METTL15: variants seen among roughly 807,000 people sequenced by gnomAD.
METTL15 encodes the protein methyltransferase 15, mitochondrial 12S rRNA N4-cytidine.
METTL15 carries 34 observed loss-of-function variants against 38.3 expected under a neutral mutation model. That is an observed-to-expected ratio of 0.89 (90% confidence interval 0.68 to 1.18). The LOEUF is 1.18. METTL15 is among the 50% of genes most tolerant of loss of function. The pLI, the probability that METTL15 is intolerant of heterozygous loss-of-function variation, is 0.00. For synonymous variants in METTL15, 162 were observed against 170.9 expected (o/e 0.95, Z 0.41); for missense variants, 438 against 498.4 (o/e 0.88, Z 1.15).
At chr11:28,274,307 C>G (rs1310553539) in intron 4 of METTL15, among the ~76,000 whole-genome samples, 1 of 152,010 alleles carries the variant, frequency 6.6e-6, no homozygotes, top group African/African-American at 2.4e-5. Flanking sequence ...TTTCCTTAGA[C>G]TAAAACCATT....
intron 5 of METTL15, among the ~76,000 whole-genome samples, chr11:28,402,955 ATTTC>A (rs1850642485): frequency 6.6e-6 from 1 of 151,896 alleles, no homozygotes; most frequent in African/African-American, 2.4e-5. Flanking sequence ...TTTCTGAGTT[ATTTC>A]ACTCAGAAAC....
chr11:28,231,300 A>C (rs1261791633), intron 4 of METTL15, among the ~76,000 whole-genome samples: 1 of 151,912 alleles, frequency 6.6e-6, no homozygotes, highest in Admixed American at 6.6e-5. Context: ...ATGTTATTTA[A>C]ATAAAATACC....
chr11:28,277,712 C>A (rs867024795), intron 4 of METTL15, among the ~76,000 whole-genome samples: 16 of 151,860 alleles, frequency 1.1e-4, no homozygotes, highest in Middle Eastern at 6.8e-3. Context: ...GCAAAAAAAA[C>A]AGCAACAAAA....
At chr11:28,463,400 C>T (rs901355916) in intron 6 of METTL15, among the ~76,000 whole-genome samples, 21 of 152,006 alleles carry the variant, frequency 1.4e-4, no homozygotes, top group African/African-American at 4.8e-4. Flanking sequence ...CTCTCAGGGA[C>T]AAATTTTACT....
At chr11:28,138,725 AG>A (rs1407075137) in intron 3 of METTL15, among the ~76,000 whole-genome samples, 1 of 152,214 alleles carries the variant, frequency 6.6e-6, no homozygotes, top group Non-Finnish European at 1.5e-5. Flanking sequence ...AAAATGGCAG[AG>A]GCCAAAAGAA....
intron 2 of METTL15, among the ~76,000 whole-genome samples, chr11:28,112,884 AC>A (rs1851775617): frequency 6.6e-6 from 1 of 152,150 alleles, no homozygotes; most frequent in Non-Finnish European, 1.5e-5. Flanking sequence ...GAAATAGAAG[AC>A]CATCTGAATC....
chr11:28,428,878 C>A (rs1422042967), intron 6 of METTL15, among the ~76,000 whole-genome samples: 1 of 152,204 alleles, frequency 6.6e-6, no homozygotes, highest in African/African-American at 2.4e-5. Flanking sequence ...CTTCCTATAA[C>A]CTGATACCTG....
intron 5 of METTL15, among the ~76,000 whole-genome samples, chr11:28,366,660 G>A (rs905815478): frequency 1.3e-5 from 2 of 152,148 alleles, no homozygotes; most frequent in Non-Finnish European, 2.9e-5. Context: ...TAAAATGTCT[G>A]TAGGAGCCTG....
At chr11:28,447,640 T>C (rs1851086199) in intron 6 of METTL15, among the ~76,000 whole-genome samples, 2 of 152,200 alleles carry the variant, frequency 1.3e-5, no homozygotes, top group Non-Finnish European at 2.9e-5. Flanking sequence ...TGTTTTACAT[T>C]GTGAGTCTTC....
chr11:28,199,467 T>C (rs758184500), intron 3 of METTL15, among the ~76,000 whole-genome samples: 19 of 152,190 alleles, frequency 1.2e-4, no homozygotes, highest in Admixed American at 3.3e-4. Flanking sequence ...GAAGTTTCTC[T>C]TAAAATGCCT....
At chr11:28,366,371 G>A (rs1402560604) in intron 5 of METTL15, among the ~76,000 whole-genome samples, 1 of 152,130 alleles carries the variant, frequency 6.6e-6, no homozygotes, top group Non-Finnish European at 1.5e-5. Context: ...ATACTGCCCT[G>A]TGTAATTAAC....
At chr11:28,256,554 C>G (rs1854978723) in intron 4 of METTL15, among the ~76,000 whole-genome samples, 1 of 151,988 alleles carries the variant, frequency 6.6e-6, no homozygotes, top group Admixed American at 6.5e-5. Context: ...ATAGTGTCTC[C>G]TTTTTCATCT....
intron 3 of METTL15, among the ~76,000 whole-genome samples, chr11:28,345,703 A>G (rs1221973985): frequency 1.3e-5 from 2 of 152,184 alleles, no homozygotes; most frequent in African/African-American, 2.4e-5. Context: ...TGGTGCGCCA[A>G]CAAGACAGCC....
intron 5 of METTL15, among the ~76,000 whole-genome samples, chr11:28,418,793 G>A (rs1158270370): frequency 1.3e-5 from 2 of 152,172 alleles, no homozygotes; most frequent in African/African-American, 4.8e-5. Flanking sequence ...TGCAGTGAAT[G>A]TGGGACTTTG....
chr11:28,353,955 G>GTGTCAA (rs1230405371), intron 4 of METTL15, among the ~76,000 whole-genome samples: 1 of 149,168 alleles, frequency 6.7e-6, no homozygotes, highest in African/African-American at 2.5e-5. Flanking sequence ...AAAAAAAAAG[G>GTGTCAA]TGTCAAGCAA....
At chr11:28,457,532 C>A (rs1030020901) in intron 6 of METTL15, among the ~76,000 whole-genome samples, 2 of 152,236 alleles carry the variant, frequency 1.3e-5, no homozygotes, top group Middle Eastern at 3.4e-3. Flanking sequence ...AAATTTCTGC[C>A]CCCTTTTAAG....
At chr11:28,280,740 C>T (rs1162337632) in intron 4 of METTL15, among the ~76,000 whole-genome samples, 1 of 149,684 alleles carries the variant, frequency 6.7e-6, no homozygotes, top group African/African-American at 2.5e-5. Flanking sequence ...TAATGAACTG[C>T]GTTTCATGTC....
At chr11:28,353,145 G>A (rs942112089) in intron 4 of METTL15, among the ~76,000 whole-genome samples, 1 of 152,126 alleles carries the variant, frequency 6.6e-6, no homozygotes, top group African/African-American at 2.4e-5. Flanking sequence ...CAGCTCTTCA[G>A]AGTAAGGTAA....
intron 3 of METTL15, among the ~76,000 whole-genome samples, chr11:28,138,052 A>G (rs189714435): frequency 1.3e-3 from 200 of 152,342 alleles, no homozygotes; most frequent in Non-Finnish European, 2.2e-3. Flanking sequence ...CTGGAAGACA[A>G]AAACAGATTT....
Sources: gnomAD v4.1 joint callset for allele counts (sites outside exome capture counted in the v4.1 genomes callset) on GRCh38, gnomAD v4.1.1 for gene constraint, MANE v1.5 for transcripts, NCBI Gene and HGNC (gene_info 2026-07-23, HGNC 2026-07-21) for gene names.